Variants in VSTM2A observed in about 807,000 individuals in gnomAD.
VSTM2A encodes the protein V-set and transmembrane domain-containing protein 2A.
A neutral mutation model predicts 27.3 loss-of-function variants in VSTM2A; 13 were observed. The observed-to-expected ratio is 0.48, with a 90% CI of 0.31 to 0.76. The LOEUF (loss-of-function observed/expected upper bound fraction) is 0.76, where lower values mean the gene tolerates loss of function less well. VSTM2A is among the 30% of genes least tolerant of loss of function. The pLI is 0.05. For missense variants in VSTM2A, 280 were observed against 310.0 expected, an observed-to-expected ratio of 0.90 and a Z score of 0.73; for synonymous variants, 142 against 125.7, an observed-to-expected ratio of 1.13 and a Z score of -0.87.
intron 4 of VSTM2A, 124 bp downstream of exon 4, chr7:54,550,294 A>G: frequency 6.7e-7 from 1 of 1,495,486 alleles, no homozygotes; most frequent in Non-Finnish European, 8.9e-7. Flanking sequence ...AGTTCAGTGC[A>G]AGTGATTATG....
chr7:54,544,858 G>A, intron 2 of VSTM2A, 70 bp downstream of exon 2: 3 of 1,480,344 alleles, frequency 2.0e-6, no homozygotes, highest in Non-Finnish European at 2.7e-6. Flanking sequence ...GCCCGGGGCT[G>A]GGGGCCGAGG....
chr7:54,554,008 C>T (rs1788273000), intron 4 of VSTM2A: 3 of 1,553,328 alleles, frequency 1.9e-6, no homozygotes, highest in Non-Finnish European at 2.6e-6. Context: ...CGGCTTCCTG[C>T]TCCTCTTCCC....
At position 54,550,055 on chromosome 7, in the gene VSTM2A, C is replaced by T. The variant is rs766438552; in HGVS notation, c.519C>T (p.Arg173=). The T allele has an allele frequency of 2.1e-5, 33 of 1,609,668 alleles. No individual in the cohort carries two copies. The highest frequency in any genetic ancestry group is 1.3e-4 in the Admixed American group (8 of 59,384). The change falls in exon 4 of 5, where the codon CGC becomes CGT. Residue 173 remains arginine (R), a synonymous_variant. Transcript: ENST00000402613. ...SPMWLQDMKP[R]KNVSAAIPSS... ...TGTGGCTGCAGGATATGAAGCCCCG[C>T]AAGAACGTCTCCGCAGCCATCCCCA...
chr7:54,544,220 T>C (rs1019085489), intron 1 of VSTM2A, among the ~76,000 whole-genome samples: 2 of 152,250 alleles, frequency 1.3e-5, no homozygotes, highest in Non-Finnish European at 2.9e-5. Flanking sequence ...TAGTGGTAGA[T>C]TGTTTAGAAA....
rs1374569016 is a variant in VSTM2A, at chr7:54,550,163, A to G, written c.627A>G (p.Pro209=). ...TAGCCAAAATCCCCAAACAAAGTCC[A>G]CAATCAGGTATGGAAACCCATTTCG... is the stretch of plus-strand genomic sequence containing the variant. ...QVVAKIPKQS[P]QSAKSKSPVK... Residue 209 remains proline (P), a synonymous_variant, in exon 4 of 5, where the codon CCA becomes CCG. Coordinates refer to ENST00000402613, the MANE Select transcript of VSTM2A (RefSeq NM_001301009.2). 6.3e-7 allele frequency: 1 copy of G among 1,596,238 alleles called. No homozygotes were observed. The highest frequency in any genetic ancestry group is 1.3e-5 in the African/African-American group (1 of 74,516).
At chr7:54,562,157 C>T (rs577034021) in intron 4 of VSTM2A, among the ~76,000 whole-genome samples, 7 of 152,274 alleles carry the variant, frequency 4.6e-5, no homozygotes, top group Admixed American at 3.3e-4. Flanking sequence ...CTCTCGACCT[C>T]GTGATCTGTC....
At position 54,547,016 on chromosome 7, in the gene VSTM2A, A is replaced by G; in HGVS notation, c.297+19A>G. 6.4e-7 allele frequency: 1 copy of G among 1,573,114 alleles called. No individual in the cohort carries two copies. The highest frequency in any genetic ancestry group is 8.6e-7 in the Non-Finnish European group (1 of 1,162,144). ...GATCAGCGTGAGTGCGGGGCGCGCC[A>G]AGGGCCGCGGGCCCAGGCTCGGGAC... On this transcript the variant is annotated intron_variant, in intron 3 of 4. Coordinates refer to ENST00000402613, the MANE Select transcript of VSTM2A (RefSeq NM_001301009.2).
At chr7:54,548,524 C>G (rs961547682) in intron 3 of VSTM2A, among the ~76,000 whole-genome samples, 1 of 151,774 alleles carries the variant, frequency 6.6e-6, no homozygotes, top group Admixed American at 6.6e-5. Context: ...TAATAGCACC[C>G]CAGGTGATTC....
intron 4 of VSTM2A, chr7:54,557,320 C>CTTTTTTTTTTTTTTTT (rs10543201): frequency 7.4e-6 from 1 of 135,038 alleles, no homozygotes. Flanking sequence ...TCATTTCTTT[C>CTTTTTTTTTTTTTTTT]TTTTTTTTTT....
rs778072086 is a variant in VSTM2A, at chr7:54,550,187, C to G, written c.634+17C>G. 7 of 1,576,252 alleles carry G rather than the reference C, an allele frequency of 4.4e-6. No homozygotes were observed. Among genetic ancestry groups the G allele is most frequent in the Non-Finnish European group, 6.0e-6 (7 of 1,161,484 alleles). On this transcript the variant is annotated intron_variant, in intron 4 of 4. Transcript: ENST00000402613. ...CACAATCAGGTATGGAAACCCATTT[C>G]GAGCCTTTTATTTTACCACTCACAA...
At chr7:54,559,693 C>A (rs1008909971) in intron 4 of VSTM2A, 2 of 152,010 alleles carry the variant, frequency 1.3e-5, no homozygotes, top group African/African-American at 2.4e-5. Context: ...CAATACTTAC[C>A]ATGGAGTTTT....
chr7:54,552,427 TG>T (rs1446370023), intron 4 of VSTM2A: 1 of 152,216 alleles, frequency 6.6e-6, no homozygotes, highest in Non-Finnish European at 1.5e-5. Context: ...ATTCAGTATC[TG>T]GGGTGGATAT....
At chr7:54,544,239 C>A (rs1787870133) in intron 1 of VSTM2A, among the ~76,000 whole-genome samples, 1 of 152,182 alleles carries the variant, frequency 6.6e-6, no homozygotes, top group Admixed American at 6.5e-5. Context: ...AACTTAGAGG[C>A]AAGAGACTCT....
intron 4 of VSTM2A, among the ~76,000 whole-genome samples, chr7:54,562,283 A>G (rs1788586369): frequency 6.6e-6 from 1 of 152,250 alleles, no homozygotes; most frequent in Non-Finnish European, 1.5e-5. Flanking sequence ...ATAAGAAGAT[A>G]TGTGGAAAAT....
At chr7:54,564,486 T>G (rs1409937663) in intron 4 of VSTM2A, among the ~76,000 whole-genome samples, 2 of 152,118 alleles carry the variant, frequency 1.3e-5, no homozygotes, top group African/African-American at 4.8e-5. Context: ...AATTAATCCA[T>G]CAGAAAATAT....
At chr7:54,562,589 A>G (rs901441496) in intron 4 of VSTM2A, among the ~76,000 whole-genome samples, 2 of 152,194 alleles carry the variant, frequency 1.3e-5, no homozygotes, top group Admixed American at 6.5e-5. Flanking sequence ...CTTTTCAGTT[A>G]GTAGTCAATA....
rs771733662 is a variant in VSTM2A, at chr7:54,544,774, G to T, written c.232G>T (p.Gly78Trp). 5 of 1,608,634 alleles carry T rather than the reference G, an allele frequency of 3.1e-6. No individual in the cohort carries two copies. Among genetic ancestry groups the T allele is most frequent in the Non-Finnish European group, 4.2e-6 (5 of 1,177,950 alleles). The part of the protein sequence containing the change: ...GPEDLDPGAE[G>W]AGAQVELLPD... ...GGAGGACCTGGATCCCGGGGCCGAG[G>T]GGGCCGGCGCGCAGGTAGCGGAGCC... is the stretch of plus-strand genomic sequence containing the variant. Residue 78 changes from glycine to tryptophan, a missense_variant, in exon 2 of 5, where the codon GGG becomes TGG. By Grantham distance (184) the Gly-to-Trp change is radical. Transcript: ENST00000402613.
At chr7:54,565,447 C>T (rs2115933537) in intron 4 of VSTM2A, among the ~76,000 whole-genome samples, 1 of 152,328 alleles carries the variant, frequency 6.6e-6, no homozygotes, top group East Asian at 1.9e-4. Context: ...TGTCTCCCAG[C>T]CTGATGACTG....
At chr7:54,551,947 A>C (rs1788214639) in intron 4 of VSTM2A, 1 of 152,358 alleles carries the variant, frequency 6.6e-6, no homozygotes, top group African/African-American at 2.4e-5. Flanking sequence ...TGCTTTATCT[A>C]TTTCTAGAAT....
Sources: gnomAD v4.1 joint callset for allele counts (sites outside exome capture counted in the v4.1 genomes callset) on GRCh38, gnomAD v4.1.1 for gene constraint, MANE v1.5 for transcripts, NCBI Gene and HGNC (gene_info 2026-07-23, HGNC 2026-07-21) for gene names.